Variants in WWP2 observed in about 807,000 individuals in gnomAD.
The protein encoded by WWP2 is WW domain containing E3 ubiquitin protein ligase 2.
WWP2 carries 57 observed loss-of-function variants against 121.0 expected under a neutral mutation model. The ratio of observed to expected loss-of-function variants is 0.47; its 90% CI spans 0.38 to 0.59. WWP2 has a LOEUF of 0.59. WWP2 is among the 20% of genes least tolerant of loss of function. The pLI is 0.00. For missense variants in WWP2, 962 were observed against 1,158.9 expected (o/e 0.83, Z 2.47); for synonymous variants, 449 against 441.3 (o/e 1.02, Z -0.22).
chr16:69,771,340 C>T (rs1159255015), intron 1 of WWP2, among the ~76,000 whole-genome samples: 5 of 152,102 alleles, frequency 3.3e-5, no homozygotes, highest in East Asian at 1.9e-4. Context: ...CTCCGCCTCC[C>T]GGGTTCAAGC....
intron 4 of WWP2, among the ~76,000 whole-genome samples, chr16:69,810,427 CTT>C (rs773074583): frequency 2.2e-4 from 31 of 140,360 alleles, no homozygotes; most frequent in Admixed American, 2.1e-4. Flanking sequence ...TTTTTAACAT[CTT>C]TTTTTTTTTT....
chr16:69,939,044 C>T lies in WWP2; in HGVS notation c.2361C>T (p.Asp787=), dbSNP rs1464455995. Residue 787 remains aspartate (D), a synonymous_variant, in exon 22 of 24, where the codon GAC becomes GAT. Coordinates refer to ENST00000359154, the MANE Select transcript of WWP2 (RefSeq NM_001270454.2). Reference sequence around the variant, plus strand: ...ACTTCCAGGTGGTGAAGGAGATGGACAACGAGAAGAGGATCCGGCTGCTGC... The same window carrying T: ...ACTTCCAGGTGGTGAAGGAGATGGATAACGAGAAGAGGATCCGGCTGCTGC... ...QWFWQVVKEM[D]NEKRIRLLQF... 3.1e-6 allele frequency: 5 copies of T among 1,604,962 alleles called. No individual in the cohort carries two copies. In the African/African-American group the frequency reaches 4.0e-5, roughly 13 times the overall value.
At chr16:69,779,242 T>C (rs2055611880) in intron 1 of WWP2, among the ~76,000 whole-genome samples, 1 of 152,240 alleles carries the variant, frequency 6.6e-6, no homozygotes, top group Admixed American at 6.5e-5. Context: ...TGAGCCACTG[T>C]GCGTGGCCCC....
At chr16:69,907,682 G>C (rs1250707418) in intron 8 of WWP2, among the ~76,000 whole-genome samples, 1 of 152,184 alleles carries the variant, frequency 6.6e-6, no homozygotes, top group African/African-American at 2.4e-5. Context: ...ATTTTGTACT[G>C]ATCGGGCTTG....
At chr16:69,877,426 TG>T (rs1197545261) in intron 7 of WWP2, among the ~76,000 whole-genome samples, 1 of 152,242 alleles carries the variant, frequency 6.6e-6, no homozygotes, top group Non-Finnish European at 1.5e-5. Context: ...ATGTCGAGGC[TG>T]GTTTGATCTT....
At chr16:69,825,495 A>AT (rs2056670318) in intron 4 of WWP2, among the ~76,000 whole-genome samples, 1 of 151,494 alleles carries the variant, frequency 6.6e-6, no homozygotes, top group African/African-American at 2.4e-5. Context: ...GAATGTGTGC[A>AT]TTTGTGGAGT....
At chr16:69,877,803 TTTTA>T (rs1032217218) in intron 7 of WWP2, among the ~76,000 whole-genome samples, 2 of 151,984 alleles carry the variant, frequency 1.3e-5, no homozygotes, top group Non-Finnish European at 2.9e-5. Flanking sequence ...TAAATTTGCT[TTTTA>T]TTTATTTATT....
chr16:69,813,566 G>A (rs1014482088), intron 4 of WWP2, among the ~76,000 whole-genome samples: 6 of 152,200 alleles, frequency 3.9e-5, no homozygotes, highest in African/African-American at 1.4e-4. Context: ...GGGTTCAAGC[G>A]ATCCCCCCAC....
At chr16:69,924,851 G>A in intron 10 of WWP2, 2 of 865,594 alleles carry the variant, frequency 2.3e-6, no homozygotes, top group Non-Finnish European at 2.8e-6. Context: ...CCTCAGTCTG[G>A]GTGGACGCTG....
chr16:69,914,482 G>A (rs1419516198), intron 9 of WWP2, among the ~76,000 whole-genome samples: 2 of 152,212 alleles, frequency 1.3e-5, no homozygotes, highest in Non-Finnish European at 2.9e-5. Context: ...TTCCTGCCGG[G>A]CACAGTGGCT....
At chr16:69,784,737 C>G (rs900096345) in intron 1 of WWP2, among the ~76,000 whole-genome samples, 1 of 152,016 alleles carries the variant, frequency 6.6e-6, no homozygotes, top group Non-Finnish European at 1.5e-5. Flanking sequence ...GGAAAAAGCA[C>G]GGTTGTTTGA....
rs1172731254 is a variant in WWP2 at position 69,935,699 on chromosome 16, G to C, written c.1843-154G>C. 6.6e-6 allele frequency among the ~76,000 whole-genome samples: 1 copy of C among 152,196 alleles called. No homozygotes were observed. The highest frequency in any genetic ancestry group is 1.5e-5 in the Non-Finnish European group (1 of 68,034). ...GATAAAGGCGTTGTTTACTCCTGAG[G>C]CCCTCCCGCTGCGTCCGAGGCAGCT... On this transcript the variant is annotated intron_variant, in intron 17 of 23. Coordinates refer to ENST00000359154, the MANE Select transcript of WWP2 (RefSeq NM_001270454.2). The surrounding 1 kb of genome is among the most constrained non-coding windows in gnomAD (Gnocchi z 5.2).
At chr16:69,830,553 A>T (rs1405628146) in intron 4 of WWP2, among the ~76,000 whole-genome samples, 2 of 152,186 alleles carry the variant, frequency 1.3e-5, no homozygotes, top group Non-Finnish European at 2.9e-5. Context: ...TAGTAGCCCA[A>T]AGAAGAGACT....
At chr16:69,920,228 G>A (rs762466124) in intron 10 of WWP2, among the ~76,000 whole-genome samples, 2 of 152,178 alleles carry the variant, frequency 1.3e-5, no homozygotes, top group Non-Finnish European at 2.9e-5. Context: ...TAGCAGAGGT[G>A]AGCAGAAAGT....
At chr16:69,794,020 C>T (rs527361952) in intron 2 of WWP2, among the ~76,000 whole-genome samples, 4 of 145,626 alleles carry the variant, frequency 2.7e-5, no homozygotes, top group South Asian at 2.2e-4. Flanking sequence ...TGGGTTCAAG[C>T]GATTCTCGTG....
intron 4 of WWP2, among the ~76,000 whole-genome samples, chr16:69,829,092 G>C (rs1056428701): frequency 1.3e-5 from 2 of 152,030 alleles, no homozygotes; most frequent in South Asian, 4.1e-4. Context: ...AGCCGTCTTC[G>C]ATACCCGACC....
intron 9 of WWP2, among the ~76,000 whole-genome samples, chr16:69,917,220 A>G (rs2058491023): frequency 6.6e-6 from 1 of 152,372 alleles, no homozygotes; most frequent in Admixed American, 6.5e-5. Context: ...ACTCAACAAT[A>G]TCACCAAGGA....
chr16:69,898,667 A>G (rs545227348), intron 8 of WWP2, among the ~76,000 whole-genome samples: 10 of 152,014 alleles, frequency 6.6e-5, no homozygotes, highest in African/African-American at 2.2e-4. Flanking sequence ...GTCTTTATAT[A>G]TATTTATTTT....
chr16:69,770,941 C>T (rs1029948719), intron 1 of WWP2, among the ~76,000 whole-genome samples: 3 of 150,524 alleles, frequency 2.0e-5, no homozygotes, highest in Non-Finnish European at 4.4e-5. Flanking sequence ...GAGATCAACC[C>T]GGGCAGCATA....
Sources: gnomAD v4.1 joint callset for allele counts (sites outside exome capture counted in the v4.1 genomes callset) on GRCh38, gnomAD v4.1.1 for gene constraint, Gnocchi (gnomAD v3.1) non-coding constraint, MANE v1.5 for transcripts, NCBI Gene and HGNC (gene_info 2026-07-23, HGNC 2026-07-21) for gene names.